Variants in SLC30A4 observed in about 807,000 individuals in gnomAD.
SLC30A4 encodes the protein probable proton-coupled zinc antiporter SLC30A4.
Under a neutral mutation model 41.7 loss-of-function variants are expected in SLC30A4, and 20 were observed. The observed-to-expected ratio is 0.48, with a 90% CI of 0.34 to 0.70. SLC30A4 has a LOEUF of 0.70. SLC30A4 is among the 30% of genes least tolerant of loss of function. The pLI, the probability that SLC30A4 is intolerant of heterozygous loss-of-function variation, is 0.01. For missense variants in SLC30A4, 441 were observed against 529.3 expected (o/e 0.83, Z 1.64); for synonymous variants, 181 against 195.9 (o/e 0.92, Z 0.64).
chr15:45,499,888 A>G (rs772324455), intron 3 of SLC30A4, among the ~76,000 whole-genome samples: 5 of 152,332 alleles, frequency 3.3e-5, no homozygotes, highest in Non-Finnish European at 7.3e-5. Context: ...TATACAATCT[A>G]TGGTCTCACA....
Position 45,505,637 on chromosome 15 carries a change from T to C in SLC30A4, c.538+5501A>G, listed in dbSNP as rs371596388. On this transcript the variant is annotated intron_variant, in intron 3 of 7. Transcript: ENST00000261867. ...TTCTATGTACTGTTATAAAGTGATC[T>C]GGAGGTGGAACTCTATATAGAATCA... is the stretch of plus-strand genomic sequence containing the variant. 9.9e-5 allele frequency among the ~76,000 whole-genome samples: 15 copies of C among 152,228 alleles called. No homozygotes were observed. In the East Asian group the frequency reaches 1.3e-3, roughly 14 times the overall value.
intron 2 of SLC30A4, among the ~76,000 whole-genome samples, chr15:45,515,154 TG>T (rs1892428662): frequency 6.6e-6 from 1 of 152,090 alleles, no homozygotes; most frequent in Non-Finnish European, 1.5e-5. Flanking sequence ...CCTAAGTTGC[TG>T]GGACTACAGG....
Position 45,522,410 on chromosome 15 carries a change from G to C in SLC30A4, c.-56C>G. Reference sequence around the variant, plus strand: ...GGCTTGGGGGAGGCGGACGGCCGGCGGCGCCTACTTCACCGGAGCGCCAGT... The same window carrying C: ...GGCTTGGGGGAGGCGGACGGCCGGCCGCGCCTACTTCACCGGAGCGCCAGT... On this transcript the variant is annotated 5_prime_UTR_variant, in exon 2 of 8. Coordinates refer to ENST00000261867, the MANE Select transcript of SLC30A4 (RefSeq NM_013309.6). The C allele has an allele frequency of 6.6e-7, 1 of 1,504,100 alleles. No homozygotes were observed. Among genetic ancestry groups the C allele is most frequent in the South Asian group, 1.3e-5 (1 of 75,892 alleles). The allele number at this position is 1,504,100 out of a possible 1,614,324, so 93.2% of individuals were successfully genotyped here.
Position 45,487,538 on chromosome 15 carries a change from A to G in SLC30A4, c.989T>C (p.Ile330Thr), listed in dbSNP as rs749909600. ...TAGTGAGATCTTACCTTCTAGTATTATAACTACTGTATCCCATATGATTCG... is the reference window on the plus strand; with the variant it reads ...TAGTGAGATCTTACCTTCTAGTATTGTAACTACTGTATCCCATATGATTCG... ...TFRIIWDTVVIILEGVPSHLN... is the reference protein window; with the variant it reads ...TFRIIWDTVVTILEGVPSHLN... The change falls in exon 6 of 8, where the codon ATA becomes ACA. Residue 330 changes from isoleucine (I) to threonine (T), a missense_variant. Coordinates refer to ENST00000261867, the MANE Select transcript of SLC30A4 (RefSeq NM_013309.6). The G allele has an allele frequency of 2.1e-6, 3 of 1,457,532 alleles. No individual in the cohort carries two copies. Among genetic ancestry groups the G allele is most frequent in the South Asian group, 1.1e-5 (1 of 87,594 alleles). 90.3% of individuals were successfully genotyped at this position (1,457,532 alleles called of 1,614,324 possible). A position where few individuals can be genotyped will look rare whatever the true frequency, so the allele number is the denominator to read the frequency against.
chr15:45,510,628 TTTATAA>T (rs1290067105), intron 3 of SLC30A4, among the ~76,000 whole-genome samples: 1 of 151,484 alleles, frequency 6.6e-6, no homozygotes, highest in Non-Finnish European at 1.5e-5. Context: ...ATTTTAACTC[TTTATAA>T]TTAAACATTA....
At chr15:45,493,689 G>A (rs946806153) in intron 3 of SLC30A4, among the ~76,000 whole-genome samples, 7 of 152,132 alleles carry the variant, frequency 4.6e-5, no homozygotes, top group African/African-American at 1.7e-4. Context: ...AGCTGGGCGT[G>A]GTGGCGGGCC....
intron 3 of SLC30A4, among the ~76,000 whole-genome samples, chr15:45,495,935 C>T (rs1305561390): frequency 2.0e-5 from 3 of 152,104 alleles, no homozygotes; most frequent in Admixed American, 1.3e-4. Context: ...ATGTTGTTCC[C>T]TTGGTGAAAA....
At chr15:45,487,755 A>G (rs1891731749) in intron 5 of SLC30A4, 123 bp from the exon 6 acceptor site, 1 of 568,952 alleles carries the variant, frequency 1.8e-6, no homozygotes, top group African/African-American at 1.9e-5. Context: ...AATACCTTTA[A>G]AACTTGGATA....
chr15:45,506,017 G>T (rs1040844249), intron 3 of SLC30A4, among the ~76,000 whole-genome samples: 2 of 152,004 alleles, frequency 1.3e-5, no homozygotes, highest in African/African-American at 4.8e-5. Flanking sequence ...TTTGCAACCA[G>T]CCTGGGAAAC....
rs1329165702 is a variant in SLC30A4, at chr15:45,511,121, A to G, written c.538+17T>C. 1 of 1,602,922 alleles carries G rather than the reference A, an allele frequency of 6.2e-7. No homozygotes were observed. Among genetic ancestry groups the G allele is most frequent in the South Asian group, 1.1e-5 (1 of 89,780 alleles). On this transcript the variant is annotated intron_variant, in intron 3 of 7. Transcript: ENST00000261867. ...ACTATAAAATATTATAAAGCAAAAG[A>G]AACACCAACTACCTACCTAAGCGAT...
At chr15:45,507,918 T>C (rs1486640375) in intron 3 of SLC30A4, among the ~76,000 whole-genome samples, 1 of 152,156 alleles carries the variant, frequency 6.6e-6, no homozygotes, top group Non-Finnish European at 1.5e-5. Flanking sequence ...TATTCATACT[T>C]AGGGCAGAAG....
At chr15:45,509,865 C>T (rs1182940852) in intron 3 of SLC30A4, among the ~76,000 whole-genome samples, 2 of 152,134 alleles carry the variant, frequency 1.3e-5, no homozygotes, top group Non-Finnish European at 2.9e-5. Context: ...TTGACATCAG[C>T]CTGGGCAAAG....
intron 3 of SLC30A4, among the ~76,000 whole-genome samples, chr15:45,509,703 A>G (rs562707923): frequency 2.6e-5 from 4 of 152,330 alleles, no homozygotes; most frequent in South Asian, 2.1e-4. Flanking sequence ...TACTTGGAAT[A>G]TCACCATTTA....
chr15:45,516,414 C>G (rs1276074123), intron 2 of SLC30A4, among the ~76,000 whole-genome samples: 1 of 152,226 alleles, frequency 6.6e-6, no homozygotes, highest in African/African-American at 2.4e-5. Flanking sequence ...TGGTTCTCAG[C>G]CTTCCCCACT....
At chr15:45,495,602 G>A (rs1470013620) in intron 3 of SLC30A4, among the ~76,000 whole-genome samples, 1 of 152,168 alleles carries the variant, frequency 6.6e-6, no homozygotes, top group African/African-American at 2.4e-5. Context: ...TCGCCTTTTT[G>A]TGAATTCTCA....
At chr15:45,485,388 AC>A (rs1721461594) in intron 7 of SLC30A4, 71 bp from the exon 8 acceptor site, 2 of 1,041,500 alleles carry the variant, frequency 1.9e-6, no homozygotes, top group South Asian at 1.6e-5. Flanking sequence ...AGGGAAAAAA[AC>A]AACTGAAATA....
intron 3 of SLC30A4, among the ~76,000 whole-genome samples, chr15:45,498,797 T>A (rs1891955854): frequency 6.6e-6 from 1 of 152,212 alleles, no homozygotes; most frequent in Non-Finnish European, 1.5e-5. Flanking sequence ...ATAACTTTTG[T>A]CAGTGGTGGG....
At position 45,522,372 on chromosome 15, in the gene SLC30A4, C is replaced by G. The variant is rs1892701948; in HGVS notation, c.-18G>C. Reference sequence around the variant, plus strand: ...CCGGCCATGGCAGAGGCTGAGCGGCCGCGGTGCGGAACGGCTTGGGGGAGG... The same window carrying G: ...CCGGCCATGGCAGAGGCTGAGCGGCGGCGGTGCGGAACGGCTTGGGGGAGG... On this transcript the variant is annotated 5_prime_UTR_variant, in exon 2 of 8. Coordinates refer to ENST00000261867, the MANE Select transcript of SLC30A4 (RefSeq NM_013309.6). 2 of 1,587,230 alleles carry G rather than the reference C, an allele frequency of 1.3e-6. No homozygotes were observed. Among genetic ancestry groups the G allele is most frequent in the African/African-American group, 1.4e-5 (1 of 73,640 alleles).
chr15:45,505,175 G>A (rs1458877965), intron 3 of SLC30A4, among the ~76,000 whole-genome samples: 1 of 148,684 alleles, frequency 6.7e-6, no homozygotes, highest in East Asian at 2.0e-4. Flanking sequence ...AGGTTGCAAT[G>A]AGCCAAGATT....
Sources: allele counts gnomAD v4.1 joint callset (sites outside exome capture counted in the v4.1 genomes callset), GRCh38; gene constraint gnomAD v4.1.1; transcripts MANE v1.5; gene names NCBI Gene and HGNC (gene_info 2026-07-23, HGNC 2026-07-21).